Variants in CYYR1 observed in about 807,000 individuals in gnomAD.
CYYR1 encodes the protein cysteine and tyrosine-rich protein 1.
CYYR1 carries 14 observed loss-of-function variants against 15.2 expected under a neutral mutation model. That is an observed-to-expected ratio of 0.92 (90% confidence interval 0.61 to 1.44). The LOEUF is 1.44. Among genes scored for constraint, CYYR1 ranks in the 40% most tolerant of loss-of-function variants. The pLI is 0.00. For missense variants in CYYR1, 228 were observed against 209.5 expected (o/e 1.09, Z -0.54); for synonymous variants, 80 against 77.4 (o/e 1.03, Z -0.18).
intron 2 of CYYR1, chr21:26,550,560 G>A (rs1023896614): frequency 6.6e-6 from 1 of 152,186 alleles, no homozygotes; most frequent in Admixed American, 6.6e-5. Flanking sequence ...AATTAAAAGT[G>A]CTGCTCCAGT....
At chr21:26,519,887 C>T (rs2065779800) in intron 2 of CYYR1, among the ~76,000 whole-genome samples, 1 of 151,872 alleles carries the variant, frequency 6.6e-6, no homozygotes, top group Non-Finnish European at 1.5e-5. Flanking sequence ...TAGGTATATA[C>T]CCAAAGTAAT....
intron 2 of CYYR1, among the ~76,000 whole-genome samples, chr21:26,502,296 G>C (rs558827742): frequency 6.2e-5 from 8 of 129,264 alleles, no homozygotes; most frequent in Admixed American, 5.6e-4. Flanking sequence ...ATAGAATTGA[G>C]AACTGCTTTT....
At chr21:26,475,307 A>T (rs1220516874) in intron 3 of CYYR1, among the ~76,000 whole-genome samples, 1 of 151,480 alleles carries the variant, frequency 6.6e-6, no homozygotes, top group Non-Finnish European at 1.5e-5. Flanking sequence ...AAAAAAGAAC[A>T]TCCTTTGACC....
intron 2 of CYYR1, chr21:26,564,802 C>A: frequency 8.0e-7 from 1 of 1,248,384 alleles, no homozygotes; most frequent in South Asian, 1.4e-5. Flanking sequence ...GTTATACTCG[C>A]ACCTCTACCT....
At position 26,468,408 on chromosome 21, in the gene CYYR1, C is replaced by A. The variant is rs758830765; in HGVS notation, c.*93G>T. 1 of 868,430 alleles carries A rather than the reference C, an allele frequency of 1.2e-6. No individual in the cohort carries two copies. Among genetic ancestry groups the A allele is most frequent in the Non-Finnish European group, 2.0e-6 (1 of 501,278 alleles). The allele number at this position is 868,430 out of a possible 1,614,324, so 53.8% of individuals were successfully genotyped here. On this transcript the variant is annotated 3_prime_UTR_variant, in exon 4 of 4. Coordinates refer to ENST00000652641, the MANE Select transcript of CYYR1 (RefSeq NM_001320768.2). ...CATTATCTGACCCCAAAAAGTATTCCTTGGAGCAATTCTTTCCTGCCTGTT... is the reference window on the plus strand; with the variant it reads ...CATTATCTGACCCCAAAAAGTATTCATTGGAGCAATTCTTTCCTGCCTGTT...
chr21:26,520,113 G>GATATATATATATATATATATATATAT (rs71183558), intron 2 of CYYR1, among the ~76,000 whole-genome samples: 5 of 120,698 alleles, frequency 4.1e-5, no homozygotes, highest in South Asian at 2.7e-4. Context: ...AAACCCAGGA[G>GATATATATATATATATATATATATAT]ATATATATAT....
intron 2 of CYYR1, among the ~76,000 whole-genome samples, chr21:26,530,939 A>C (rs549823503): frequency 6.6e-5 from 10 of 152,288 alleles, no homozygotes; most frequent in Admixed American, 1.3e-4. Flanking sequence ...ATGATGATGC[A>C]ATGTGACTGT....
At chr21:26,508,725 T>C (rs1249399412) in intron 2 of CYYR1, among the ~76,000 whole-genome samples, 1 of 152,192 alleles carries the variant, frequency 6.6e-6, no homozygotes, top group Non-Finnish European at 1.5e-5. Flanking sequence ...TGGAATTATA[T>C]CCAACTATTT....
intron 2 of CYYR1, among the ~76,000 whole-genome samples, chr21:26,512,371 T>G (rs1012594784): frequency 3.9e-5 from 6 of 151,962 alleles, no homozygotes; most frequent in African/African-American, 1.5e-4. Flanking sequence ...GCTAATTTTT[T>G]TTTGTATTTT....
chr21:26,520,112 A>ATATATATAT (rs2065783490), intron 2 of CYYR1, among the ~76,000 whole-genome samples: 1 of 47,188 alleles, frequency 2.1e-5, no homozygotes, highest in African/African-American at 1.2e-4. Context: ...AAAACCCAGG[A>ATATATATAT]GATATATATA....
intron 2 of CYYR1, among the ~76,000 whole-genome samples, chr21:26,523,689 A>G (rs1034641143): frequency 3.9e-5 from 6 of 151,976 alleles, no homozygotes; most frequent in Non-Finnish European, 8.8e-5. Context: ...CTTCTCCTTC[A>G]TTTCTGGGAC....
At chr21:26,515,146 A>AGAACATACTAGTGCC (rs2065708412) in intron 2 of CYYR1, among the ~76,000 whole-genome samples, 1 of 152,212 alleles carries the variant, frequency 6.6e-6, no homozygotes, top group South Asian at 2.1e-4. Flanking sequence ...AAGTAATCTA[A>AGAACATACTAGTGCC]GAACATACTA....
At chr21:26,557,452 T>C (rs974476107) in intron 2 of CYYR1, among the ~76,000 whole-genome samples, 1 of 152,050 alleles carries the variant, frequency 6.6e-6, no homozygotes, top group Non-Finnish European at 1.5e-5. Context: ...TTATGTAACA[T>C]AAAACGCAAC....
At chr21:26,489,132 G>A (rs2065292256) in intron 2 of CYYR1, among the ~76,000 whole-genome samples, 2 of 152,296 alleles carry the variant, frequency 1.3e-5, no homozygotes, top group South Asian at 4.1e-4. Flanking sequence ...AGGAAAGCAA[G>A]AGACTGCATT....
chr21:26,483,885 TG>T (rs1324887023), intron 2 of CYYR1, among the ~76,000 whole-genome samples: 2 of 152,216 alleles, frequency 1.3e-5, no homozygotes, highest in East Asian at 3.9e-4. Flanking sequence ...GTCAGTTTGG[TG>T]CTCATTTGAC....
intron 2 of CYYR1, among the ~76,000 whole-genome samples, chr21:26,511,314 G>A (rs537645813): frequency 6.6e-6 from 1 of 152,156 alleles, no homozygotes; most frequent in African/African-American, 2.4e-5. Context: ...TATTAAAGAT[G>A]ATAAACCAGT....
At chr21:26,545,236 T>C (rs1000353079) in intron 2 of CYYR1, among the ~76,000 whole-genome samples, 14 of 152,296 alleles carry the variant, frequency 9.2e-5, no homozygotes, top group Admixed American at 8.5e-4. Flanking sequence ...TCATGTATCA[T>C]GGCCTGTTTA....
At chr21:26,511,222 T>G (rs1276763667) in intron 2 of CYYR1, among the ~76,000 whole-genome samples, 1 of 152,242 alleles carries the variant, frequency 6.6e-6, no homozygotes, top group Non-Finnish European at 1.5e-5. Context: ...TTCTTGCCAC[T>G]GGTATCTGTG....
At chr21:26,477,748 C>T (rs2123389369) in intron 3 of CYYR1, 1 of 985,152 alleles carries the variant, frequency 1.0e-6, no homozygotes, top group African/African-American at 1.7e-5. Flanking sequence ...ACCTTCTCTA[C>T]AATTAATGTC....
Sources: gnomAD v4.1 joint callset for allele counts (sites outside exome capture counted in the v4.1 genomes callset) on GRCh38, gnomAD v4.1.1 for gene constraint, MANE v1.5 for transcripts, NCBI Gene and HGNC (gene_info 2026-07-23, HGNC 2026-07-21) for gene names.